The following ANKRD28 variants were observed in gnomAD, a reference collection of about 807,000 sequenced individuals.
ANKRD28 encodes the protein ankyrin repeat domain 28, also known as serine/threonine-protein phosphatase 6 regulatory ankyrin repeat subunit A.
ANKRD28 carries 44 observed loss-of-function variants against 126.5 expected under a neutral mutation model. The ratio of observed to expected loss-of-function variants is 0.35; its 90% CI spans 0.27 to 0.45. The LOEUF is 0.45. Ranked by LOEUF, ANKRD28 falls within the 20% of genes least tolerant of loss-of-function variation. The pLI, the probability that ANKRD28 is intolerant of heterozygous loss-of-function variation, is 1.00. For synonymous variants in ANKRD28, 442 were observed against 468.5 expected, an observed-to-expected ratio of 0.94 and a Z score of 0.73; for missense variants, 1,110 against 1,316.6, an observed-to-expected ratio of 0.84 and a Z score of 2.43.
intron 1 of ANKRD28, among the ~76,000 whole-genome samples, chr3:15,808,472 T>C (rs1379511888): frequency 6.6e-6 from 1 of 152,224 alleles, no homozygotes; most frequent in Non-Finnish European, 1.5e-5. Context: ...TCCAAGCATA[T>C]TTGTATTTTC....
chr3:15,686,072 T>A lies in ANKRD28; in HGVS notation c.2099A>T (p.Tyr700Phe). The A allele has an allele frequency of 6.2e-7, 1 of 1,613,736 alleles. No individual in the cohort carries two copies. Among genetic ancestry groups the A allele is most frequent in the Non-Finnish European group, 8.5e-7 (1 of 1,179,804 alleles). ...ATTTGCTCCTTTGTTCAGCAATGAG[T>A]AAACACAGTCTGTGTGCCCGTTGAG... The part of the protein sequence containing the change: ...SVLNGHTDCV[Y>F]SLLNKGANVD... The change falls in exon 20 of 28, where the codon TAC becomes TTC. Residue 700 changes from tyrosine (Y) to phenylalanine (F), a missense_variant. Tyr to Phe is a conservative substitution (Grantham distance 22). Coordinates refer to ENST00000683139, the MANE Select transcript of ANKRD28 (RefSeq NM_001349278.2).
Position 15,695,198 on chromosome 3 carries a change from G to A in ANKRD28, c.1676C>T (p.Pro559Leu), listed in dbSNP as rs2069357823. ...LCLQLIASET[P>L]LDVLMETSGT... is the part of the protein sequence containing the mutation. ...TTGACTAATACTTACAACATCTAGA[G>A]GAGTTTCACTTGCAATCTGAAATAA... Residue 559 changes from proline to leucine, a missense_variant, in exon 16 of 28, where the codon CCT (proline) becomes CTT (leucine). Pro to Leu is a moderately conservative substitution (Grantham distance 98). Coordinates refer to ENST00000683139, the MANE Select transcript of ANKRD28 (RefSeq NM_001349278.2). 2.5e-6 allele frequency: 4 copies of A among 1,594,578 alleles called. No homozygotes were observed. The highest frequency in any genetic ancestry group is 1.3e-5 in the African/African-American group (1 of 74,610).
intron 7 of ANKRD28, among the ~76,000 whole-genome samples, chr3:15,721,459 A>C (rs2073718845): frequency 6.6e-6 from 1 of 152,234 alleles, no homozygotes; most frequent in African/African-American, 2.4e-5. Context: ...AGGATTTACT[A>C]TAGAATTAAT....
intron 4 of ANKRD28, among the ~76,000 whole-genome samples, chr3:15,742,610 G>GA (rs200693839): frequency 5.2e-3 from 1 of 194 alleles, no homozygotes; most frequent in Non-Finnish European, 0.011. Context: ...GGAGGTGGGG[G>GA]TCAGCCCCCT....
rs146761039 is a variant in ANKRD28 at position 15,719,252 on chromosome 3, C to T, written c.996+1663G>A. ...TTGCTGTTACAGCTGTCAGAATTGA[C>T]CCGTGGCATCATTAAAGGCTTCACT... On this transcript the variant is annotated intron_variant, in intron 8 of 27. Coordinates refer to ENST00000683139, the MANE Select transcript of ANKRD28 (RefSeq NM_001349278.2). Among the ~76,000 whole-genome samples the T allele has an allele frequency of 9.8e-3, 1,484 of 152,160 alleles. 13 individuals are homozygous for T. The highest frequency in any genetic ancestry group is 0.017 in the Admixed American group (255 of 15,280).
chr3:15,850,190 TA>T (rs1238069051), intron 1 of ANKRD28, among the ~76,000 whole-genome samples: 1,331 of 31,842 alleles, frequency 0.042, 41 homozygotes, highest in East Asian at 0.063. Flanking sequence ...CTACATGCAA[TA>T]AAAAAAAAAA....
At chr3:15,674,017 A>T (rs1014606635) in intron 27 of ANKRD28, among the ~76,000 whole-genome samples, 1 of 151,476 alleles carries the variant, frequency 6.6e-6, no homozygotes, top group African/African-American at 2.4e-5. Flanking sequence ...CAGCACAAAA[A>T]ATAAATTAGC....
chr3:15,670,313 G>A lies in ANKRD28; in HGVS notation c.3209C>T (p.Thr1070Ile). 6.2e-7 allele frequency: 1 copy of A among 1,613,980 alleles called. No homozygotes were observed. Among genetic ancestry groups the A allele is most frequent in the Admixed American group, 1.7e-5 (1 of 60,010 alleles). ...NIGGEQEYLY[T>I]DVDELNDSDS... ...GGAGTCGTTGAGCTCATCCACGTCA[G>A]TGTATAAGTACTCCTGTTCCCCTCC... The change falls in exon 28 of 28, where the codon ACT becomes ATT. Residue 1070 changes from threonine to isoleucine, a missense_variant. Transcript: ENST00000683139.
intron 2 of ANKRD28, among the ~76,000 whole-genome samples, chr3:15,775,259 T>C (rs1046769950): frequency 6.6e-6 from 1 of 152,146 alleles, no homozygotes; most frequent in Admixed American, 6.5e-5. Context: ...GAAACTGTCA[T>C]AAAAAAGCAA....
chr3:15,756,180 C>T (rs2058144520), intron 3 of ANKRD28, among the ~76,000 whole-genome samples: 1 of 152,192 alleles, frequency 6.6e-6, no homozygotes, highest in South Asian at 2.1e-4. Context: ...ATTCACCTTT[C>T]TAGAGTAGAG....
At chr3:15,762,953 G>A (rs1290860360) in intron 3 of ANKRD28, among the ~76,000 whole-genome samples, 2 of 152,160 alleles carry the variant, frequency 1.3e-5, no homozygotes, top group South Asian at 2.1e-4. Flanking sequence ...GGTAAGGCCA[G>A]GACTGTATCC....
At position 15,753,054 on chromosome 3, in the gene ANKRD28, TGA is replaced by T. The variant is rs1166311053; in HGVS notation, c.281-1236_281-1235del. On this transcript the variant is annotated intron_variant, in intron 3 of 27. Transcript: ENST00000683139. ...TCCACAAATGTAGTAGTTGAGATGC[TGA>T]GAGTAGCTGAGTTCTCTGTGGGCAG... Among the ~76,000 whole-genome samples, 9 of 152,244 alleles carry T rather than the reference TGA, an allele frequency of 5.9e-5. No individual in the cohort carries two copies. The East Asian group carries it at 1.7e-3, about 29-fold the overall frequency.
At chr3:15,850,259 A>AGAGAGAGAGG (rs1370551633) in intron 1 of ANKRD28, among the ~76,000 whole-genome samples, 89 of 115,780 alleles carry the variant, frequency 7.7e-4, no homozygotes, top group Middle Eastern at 3.9e-3. Flanking sequence ...AGAGAGAGAG[A>AGAGAGAGAGG]GAGAAAGTTG....
intron 1 of ANKRD28, among the ~76,000 whole-genome samples, chr3:15,850,222 T>TAGAGAGAGAGAG (rs1402127071): frequency 4.8e-4 from 20 of 41,798 alleles, no homozygotes; most frequent in East Asian, 1.8e-3. Context: ...TATATATATA[T>TAGAGAGAGAGAG]ATAGAGAGAG....
At chr3:15,670,860 G>A (rs1196900861) in intron 27 of ANKRD28, among the ~76,000 whole-genome samples, 2 of 152,106 alleles carry the variant, frequency 1.3e-5, no homozygotes, top group Admixed American at 1.3e-4. Context: ...AACTGGGCTA[G>A]AATAAGAAAA....
chr3:15,752,820 G>A (rs6798099), intron 3 of ANKRD28, among the ~76,000 whole-genome samples: 8,395 of 152,214 alleles, frequency 0.055, 668 homozygotes, highest in African/African-American at 0.18. Flanking sequence ...GAGGAGTCAG[G>A]GAATAATCAA....
intron 27 of ANKRD28, among the ~76,000 whole-genome samples, 188 bp downstream of exon 27, chr3:15,675,710 G>A (rs553796863): frequency 1.3e-5 from 2 of 152,124 alleles, no homozygotes; most frequent in Non-Finnish European, 2.9e-5. Context: ...ATAGGAATTC[G>A]GAAGTACATC....
At chr3:15,810,370 A>G (rs918354024) in intron 1 of ANKRD28, among the ~76,000 whole-genome samples, 1 of 152,164 alleles carries the variant, frequency 6.6e-6, no homozygotes, top group Non-Finnish European at 1.5e-5. Flanking sequence ...ACATAAGAAA[A>G]TAATGTGAGG....
At chr3:15,688,465 T>A (rs2068405717) in intron 18 of ANKRD28, among the ~76,000 whole-genome samples, 1 of 152,170 alleles carries the variant, frequency 6.6e-6, no homozygotes, top group African/African-American at 2.4e-5. Flanking sequence ...CAGAATAAGG[T>A]AACAGCAAGT....
Sources: gnomAD v4.1 joint callset for allele counts (sites outside exome capture counted in the v4.1 genomes callset) on GRCh38, gnomAD v4.1.1 for gene constraint, MANE v1.5 for transcripts, NCBI Gene and HGNC (gene_info 2026-07-23, HGNC 2026-07-21) for gene names.